ZSWIM5: variants seen among roughly 807,000 people sequenced by gnomAD.
The protein encoded by ZSWIM5 is zinc finger SWIM-type containing 5.
A neutral mutation model predicts 119.6 loss-of-function variants in ZSWIM5; 55 were observed. That is an observed-to-expected ratio of 0.46 (90% CI 0.37 to 0.58). The LOEUF is 0.58. ZSWIM5 is among the 20% of genes least tolerant of loss of function. The pLI is 0.00. For synonymous variants in ZSWIM5, 537 were observed against 606.9 expected (o/e 0.88, Z 1.69); for missense variants, 1,193 against 1,512.8 (o/e 0.79, Z 3.51).
intron 2 of ZSWIM5, among the ~76,000 whole-genome samples, chr1:45,073,229 G>A (rs180717725): frequency 7.2e-5 from 10 of 139,212 alleles, no homozygotes; most frequent in South Asian, 4.6e-4. Context: ...TTCACTGTTC[G>A]CATATACAAT....
chr1:45,105,051 C>T (rs1044382827), intron 1 of ZSWIM5, among the ~76,000 whole-genome samples: 3 of 151,688 alleles, frequency 2.0e-5, no homozygotes, highest in Admixed American at 6.6e-5. Flanking sequence ...CCTTGGGCTC[C>T]GGTGATTCTC....
chr1:45,175,612 G>A (rs1004236584), intron 1 of ZSWIM5, among the ~76,000 whole-genome samples: 1 of 151,804 alleles, frequency 6.6e-6, no homozygotes. Context: ...CACCATGCCC[G>A]GCTAATTTTT....
chr1:45,062,418 A>G (rs140419491), intron 2 of ZSWIM5, among the ~76,000 whole-genome samples: 3 of 152,336 alleles, frequency 2.0e-5, no homozygotes, highest in African/African-American at 7.2e-5. Context: ...CTCATTCCAC[A>G]AATACAAATT....
chr1:45,193,275 A>G (rs551171896), intron 1 of ZSWIM5, among the ~76,000 whole-genome samples: 5 of 152,340 alleles, frequency 3.3e-5, no homozygotes, highest in South Asian at 2.1e-4. Flanking sequence ...ATTTCCTTTG[A>G]AAGTTAGAGT....
intron 2 of ZSWIM5, among the ~76,000 whole-genome samples, chr1:45,073,892 G>A (rs1480522697): frequency 6.6e-6 from 1 of 151,854 alleles, no homozygotes; most frequent in Non-Finnish European, 1.5e-5. Flanking sequence ...CTTTTATTAT[G>A]TTGAGGTATG....
chr1:45,162,574 G>A (rs1014348750), intron 1 of ZSWIM5, among the ~76,000 whole-genome samples: 5 of 152,214 alleles, frequency 3.3e-5, no homozygotes, highest in Non-Finnish European at 7.3e-5. Flanking sequence ...TCCTAGCCAA[G>A]GGAAGCGGAG....
chr1:45,177,791 T>A (rs528996941), intron 1 of ZSWIM5, among the ~76,000 whole-genome samples: 2 of 152,190 alleles, frequency 1.3e-5, no homozygotes, highest in East Asian at 3.9e-4. Context: ...CCCAGTCTAA[T>A]GCAAGCAGAA....
intron 11 of ZSWIM5, among the ~76,000 whole-genome samples, chr1:45,027,247 TCTG>T (rs1247401474): frequency 6.6e-6 from 1 of 152,034 alleles, no homozygotes; most frequent in African/African-American, 2.4e-5. Context: ...TCTATTTTCT[TCTG>T]CTAACTTAGA....
At chr1:45,182,735 C>T (rs1370220769) in intron 1 of ZSWIM5, among the ~76,000 whole-genome samples, 1 of 151,902 alleles carries the variant, frequency 6.6e-6, no homozygotes, top group Non-Finnish European at 1.5e-5. Context: ...ACAGGAGCAC[C>T]CAGATTCATA....
In ZSWIM5 at chr1:45,039,369, C is replaced by T. The variant is rs373060925; in HGVS notation, c.1757-296G>A. The stretch of plus-strand genomic sequence containing the variant: ...AGTTGGGACTACAGGCACATGCCAC[C>T]ATGCCCTGTTAATTTTATTTAAAAA... On this transcript the variant is annotated intron_variant, in intron 7 of 13. Transcript: ENST00000359600. Among the ~76,000 whole-genome samples, 51 of 152,236 alleles carry T rather than the reference C, an allele frequency of 3.4e-4. 1 individual carries two copies. In the South Asian group the frequency reaches 1.0e-2, roughly 30 times the overall value.
chr1:45,024,400 C>T (rs1644908218), intron 11 of ZSWIM5, among the ~76,000 whole-genome samples: 5 of 151,776 alleles, frequency 3.3e-5, no homozygotes, highest in Admixed American at 3.3e-4. Context: ...CCATGTTGAC[C>T]AGGCTGGTCT....
At chr1:45,077,229 T>C (rs987794509) in intron 2 of ZSWIM5, among the ~76,000 whole-genome samples, 4 of 152,190 alleles carry the variant, frequency 2.6e-5, no homozygotes, top group African/African-American at 9.7e-5. Flanking sequence ...GGCTTGTTTG[T>C]ACCTGTCTAT....
At chr1:45,113,581 A>G (rs1350730094) in intron 1 of ZSWIM5, among the ~76,000 whole-genome samples, 5 of 152,224 alleles carry the variant, frequency 3.3e-5, no homozygotes, top group African/African-American at 1.2e-4. Context: ...AGTGTGGAGA[A>G]TGGATTGAAA....
Position 45,206,213 on chromosome 1 carries a change from GC to G in ZSWIM5, c.137del (p.Gly46AlafsTer157). 1 of 1,588,312 alleles carries G rather than the reference GC, an allele frequency of 6.3e-7. No individual in the cohort carries two copies. The highest frequency in any genetic ancestry group is 8.6e-7 in the Non-Finnish European group (1 of 1,169,028). ...SPGAAGGGAG[G>X]VGSSCLVLGA... ...CGAGGACCAGGCAGCTGCTGCCGAC[GC>G]CCCCTGCCCCTCCGCCGGCTGCCCC... is the stretch of plus-strand genomic sequence containing the variant. On this transcript the variant is annotated frameshift_variant, in exon 1 of 14. Coordinates refer to ENST00000359600, the MANE Select transcript of ZSWIM5 (RefSeq NM_020883.2). LOFTEE classifies it high-confidence loss of function.
At chr1:45,051,346 A>C (rs988538370) in intron 4 of ZSWIM5, 93 bp from the exon 5 acceptor site, 7 of 1,298,666 alleles carry the variant, frequency 5.4e-6, no homozygotes, top group African/African-American at 3.0e-5. Flanking sequence ...TGGTAGAGAA[A>C]GTTTCCAAAG....
Position 45,088,321 on chromosome 1 carries a change from C to A in ZSWIM5, c.596-84G>T. On this transcript the variant is annotated intron_variant, in intron 1 of 13. Transcript: ENST00000359600. This position sits in a 1 kb window ranked among gnomAD's most constrained non-coding sequence, Gnocchi z 4.2. ...CATTTTACATGTAAATTCATCAATT[C>A]ATAAATTATGTATTGGGTATCTCCT... 1 of 1,025,232 alleles carries A rather than the reference C, an allele frequency of 9.8e-7. No homozygotes were observed. Among genetic ancestry groups the A allele is most frequent in the African/African-American group, 1.6e-5 (1 of 62,008 alleles). 63.5% of individuals were successfully genotyped at this position (1,025,232 alleles called of 1,614,324 possible).
At chr1:45,074,676 T>G (rs937674895) in intron 2 of ZSWIM5, among the ~76,000 whole-genome samples, 3 of 151,912 alleles carry the variant, frequency 2.0e-5, no homozygotes, top group Admixed American at 1.3e-4. Flanking sequence ...ACCAACCTTT[T>G]GTTTTATTGA....
chr1:45,089,314 G>A (rs976632063), intron 1 of ZSWIM5, among the ~76,000 whole-genome samples: 1 of 152,070 alleles, frequency 6.6e-6, no homozygotes, highest in Non-Finnish European at 1.5e-5. Flanking sequence ...CTTCTTCTTT[G>A]AAAAGAGTAT....
chr1:45,059,474 A>T (rs1645141096), intron 3 of ZSWIM5, among the ~76,000 whole-genome samples: 1 of 152,198 alleles, frequency 6.6e-6, no homozygotes, highest in Non-Finnish European at 1.5e-5. Flanking sequence ...AGAGACAGAA[A>T]GTAGATTAGT....
Sources: gnomAD v4.1 joint callset for allele counts (sites outside exome capture counted in the v4.1 genomes callset) on GRCh38, gnomAD v4.1.1 for gene constraint, Gnocchi (gnomAD v3.1) non-coding constraint, MANE v1.5 for transcripts, NCBI Gene and HGNC (gene_info 2026-07-23, HGNC 2026-07-21) for gene names.